The following DKK1 variants were observed in gnomAD, a reference collection of about 807,000 sequenced individuals.
The protein encoded by DKK1 is dickkopf Wnt signaling pathway inhibitor 1.
DKK1 carries 18 observed loss-of-function variants against 26.0 expected under a neutral mutation model. The observed-to-expected ratio is 0.69, with a 90% confidence interval of 0.48 to 1.03. The LOEUF is 1.03. Among genes scored for constraint, DKK1 ranks in the 50% least tolerant of loss-of-function variants. The pLI, the probability that DKK1 is intolerant of heterozygous loss-of-function variation, is 0.00. For synonymous variants in DKK1, 130 were observed against 132.6 expected, an observed-to-expected ratio of 0.98 and a Z score of 0.13; for missense variants, 335 against 348.5, an observed-to-expected ratio of 0.96 and a Z score of 0.31.
At position 52,317,432 on chromosome 10, in the gene DKK1, G is replaced by T. The variant is rs1842627902; in HGVS notation, c.*625G>T. 3 of 152,896 alleles carry T rather than the reference G, an allele frequency of 2.0e-5. No homozygotes were observed. The highest frequency in any genetic ancestry group is 2.0e-4 in the Admixed American group (3 of 15,358). 9.5% of individuals were successfully genotyped at this position (152,896 alleles called of 1,614,324 possible). ...TTTGGGATTGTGATCTTAGAGGTTT[G>T]TGTGTGTGTACGTATGTGTGTGTTC... On this transcript the variant is annotated 3_prime_UTR_variant, in exon 4 of 4. Coordinates refer to ENST00000373970, the MANE Select transcript of DKK1 (RefSeq NM_012242.4).
rs767347236 is a variant in DKK1, at chr10:52,314,572, C to G, written c.138C>G (p.Pro46=). ...VLNSNAIKNL[P]PPLGGAAGHP... ...ATTCCAACGCTATCAAGAACCTGCC[C>G]CCACCGCTGGGCGGCGCTGCGGGGC... The change falls in exon 1 of 4, where the codon CCC becomes CCG. Residue 46 remains proline (P), a synonymous_variant. Coordinates refer to ENST00000373970, the MANE Select transcript of DKK1 (RefSeq NM_012242.4). This position sits in a 1 kb window ranked among gnomAD's most constrained non-coding sequence, Gnocchi z 5.7. The G allele has an allele frequency of 1.1e-5, 17 of 1,613,584 alleles. No homozygotes were observed. The highest frequency in any genetic ancestry group is 1.4e-5 in the Non-Finnish European group (17 of 1,179,972).
In DKK1 at chr10:52,316,983, C is replaced by T; in HGVS notation, c.*176C>T. The T allele has an allele frequency of 7.7e-6, 5 of 646,240 alleles. No individual in the cohort carries two copies. The highest frequency in any genetic ancestry group is 6.3e-5 in the South Asian group (3 of 47,788). The allele number at this position is 646,240 out of a possible 1,614,324, so 40.0% of individuals were successfully genotyped here. On this transcript the variant is annotated 3_prime_UTR_variant, in exon 4 of 4. Coordinates refer to ENST00000373970, the MANE Select transcript of DKK1 (RefSeq NM_012242.4). ...AGCTTTGTTTCTTTATGGAACTCCC[C>T]TGTGATTGCAGTAAATTACTGTATT... is the stretch of plus-strand genomic sequence containing the variant.
At position 52,316,348 on chromosome 10, in the gene DKK1, A is replaced by C; in HGVS notation, c.460A>C (p.Ile154Leu). 6.2e-7 allele frequency: 1 copy of C among 1,614,198 alleles called. No homozygotes were observed. The highest frequency in any genetic ancestry group is 8.5e-7 in the Non-Finnish European group (1 of 1,180,012). Residue 154 changes from isoleucine to leucine, a missense_variant, in exon 3 of 4, where the codon ATC becomes CTC. Transcript: ENST00000373970. Reference protein sequence around the residue: ...NHFRGEIEETITESFGNDHST... With the variant: ...NHFRGEIEETLTESFGNDHST... ...TTTCCGAGGAGAAATTGAGGAAACC[A>C]TCACTGAAAGCTTTGGTAATGATCA...
At position 52,314,414 on chromosome 10, in the gene DKK1, T is replaced by A; in HGVS notation, c.-21T>A. 1 of 1,611,584 alleles carries A rather than the reference T, an allele frequency of 6.2e-7. No individual in the cohort carries two copies. Among genetic ancestry groups the A allele is most frequent in the Non-Finnish European group, 8.5e-7 (1 of 1,178,466 alleles). On this transcript the variant is annotated 5_prime_UTR_variant, in exon 1 of 4. Transcript: ENST00000373970. This position sits in a 1 kb window ranked among gnomAD's most constrained non-coding sequence, Gnocchi z 5.7. ...GTGACGGTCATTTTCTCTTTCTTTC[T>A]CCCTCTTGAGTCCTTCTGAGATGAT...
chr10:52,314,893 C>T lies in DKK1; in HGVS notation c.244-30C>T. The T allele has an allele frequency of 6.8e-7, 1 of 1,474,606 alleles. No homozygotes were observed. The highest frequency in any genetic ancestry group is 9.0e-7 in the Non-Finnish European group (1 of 1,108,554). 91.3% of individuals were successfully genotyped at this position (1,474,606 alleles called of 1,614,324 possible). A position where few individuals can be genotyped will look rare whatever the true frequency, so the allele number is the denominator to read the frequency against. The stretch of plus-strand genomic sequence containing the variant: ...GGGCGGGTACCTGGACGTCTGGGTG[C>T]CTCACCCTCTCCCCGAACCCTTCCC... On this transcript the variant is annotated intron_variant, in intron 1 of 3. Coordinates refer to ENST00000373970, the MANE Select transcript of DKK1 (RefSeq NM_012242.4). The surrounding 1 kb of genome is among the most constrained non-coding windows in gnomAD (Gnocchi z 5.7).
chr10:52,317,094 CTTG>C lies in DKK1; in HGVS notation c.*290_*292del. 1 of 346,478 alleles carries C rather than the reference CTTG, an allele frequency of 2.9e-6. No homozygotes were observed. Among genetic ancestry groups the C allele is most frequent in the Non-Finnish European group, 5.3e-6 (1 of 189,400 alleles). 21.5% of individuals were successfully genotyped at this position (346,478 alleles called of 1,614,324 possible). ...AGGTGCTGCACTGCCTATTTTTCCTCTTGTTATGTAAATTTTTGTACACATTGA... is the reference window on the plus strand; with the variant it reads ...AGGTGCTGCACTGCCTATTTTTCCTCTTATGTAAATTTTTGTACACATTGA... On this transcript the variant is annotated 3_prime_UTR_variant, in exon 4 of 4. Coordinates refer to ENST00000373970, the MANE Select transcript of DKK1 (RefSeq NM_012242.4).
rs747661417 is a variant in DKK1 at position 52,314,417 on chromosome 10, C to T, written c.-18C>T. 6 of 1,613,388 alleles carry T rather than the reference C, an allele frequency of 3.7e-6. No homozygotes were observed. The East Asian group carries it at 1.1e-4, about 30-fold the overall frequency. On this transcript the variant is annotated 5_prime_UTR_variant, in exon 1 of 4. Coordinates refer to ENST00000373970, the MANE Select transcript of DKK1 (RefSeq NM_012242.4). This position sits in a 1 kb window ranked among gnomAD's most constrained non-coding sequence, Gnocchi z 5.7. ...ACGGTCATTTTCTCTTTCTTTCTCC[C>T]TCTTGAGTCCTTCTGAGATGATGGC... is the stretch of plus-strand genomic sequence containing the variant.
At position 52,317,093 on chromosome 10, in the gene DKK1, T is replaced by A. The variant is rs1288658488; in HGVS notation, c.*286T>A. 1 of 349,818 alleles carries A rather than the reference T, an allele frequency of 2.9e-6. No individual in the cohort carries two copies. The highest frequency in any genetic ancestry group is 5.2e-6 in the Non-Finnish European group (1 of 191,518). The allele number at this position is 349,818 out of a possible 1,614,324, so 21.7% of individuals were successfully genotyped here. On this transcript the variant is annotated 3_prime_UTR_variant, in exon 4 of 4. Transcript: ENST00000373970. ...AAGGTGCTGCACTGCCTATTTTTCC[T>A]CTTGTTATGTAAATTTTTGTACACA...
Sources: gnomAD v4.1 joint callset for allele counts on GRCh38, gnomAD v4.1.1 for gene constraint, Gnocchi (gnomAD v3.1) non-coding constraint, MANE v1.5 for transcripts, NCBI Gene and HGNC (gene_info 2026-07-23, HGNC 2026-07-21) for gene names.